CATSPERE: variants seen among roughly 807,000 people sequenced by gnomAD.
The protein encoded by CATSPERE is cation channel sperm-associated auxiliary subunit epsilon.
Under a neutral mutation model 114.1 loss-of-function variants are expected in CATSPERE, and 93 were observed. The observed-to-expected ratio is 0.81, with a 90% CI of 0.69 to 0.97. The LOEUF (loss-of-function observed/expected upper bound fraction) is 0.97, where lower values mean the gene tolerates loss of function less well. CATSPERE is among the 50% of genes least tolerant of loss of function. The pLI, the probability that CATSPERE is intolerant of heterozygous loss-of-function variation, is 0.00. For synonymous variants in CATSPERE, 341 were observed against 384.1 expected, an observed-to-expected ratio of 0.89 and a Z score of 1.31; for missense variants, 1,058 against 1,131.6, an observed-to-expected ratio of 0.93 and a Z score of 0.93.
chr1:244,604,098 G>C (rs565758247), intron 17 of CATSPERE, among the ~76,000 whole-genome samples: 28 of 152,360 alleles, frequency 1.8e-4, no homozygotes, highest in Non-Finnish European at 3.4e-4. Context: ...GCTAAAGCCT[G>C]ACCCAAATCT....
chr1:244,505,669 G>T (rs1252406792), intron 7 of CATSPERE, among the ~76,000 whole-genome samples: 1 of 152,082 alleles, frequency 6.6e-6, no homozygotes, highest in Non-Finnish European at 1.5e-5. Context: ...TTATTAGTCA[G>T]CTCAGGTGAT....
intron 8 of CATSPERE, among the ~76,000 whole-genome samples, chr1:244,526,774 A>G (rs1001052510): frequency 4.0e-5 from 6 of 151,756 alleles, no homozygotes; most frequent in African/African-American, 7.3e-5. Flanking sequence ...CGCTAGTCAC[A>G]TAGGTTCTTT....
Position 244,475,694 on chromosome 1 carries a change from G to A in CATSPERE, c.115-1847G>A, listed in dbSNP as rs534950541. On this transcript the variant is annotated intron_variant, in intron 2 of 21. Coordinates refer to ENST00000366534, the MANE Select transcript of CATSPERE (RefSeq NM_001130957.2). The stretch of plus-strand genomic sequence containing the variant: ...TGGGATTACAGGTGCGCACCACCAC[G>A]CCTAGCTTATTTTTGTATTTTTAGT... Among the ~76,000 whole-genome samples the A allele has an allele frequency of 1.3e-4, 19 of 151,598 alleles. No individual in the cohort carries two copies. In the East Asian group the frequency reaches 2.7e-3, roughly 22 times the overall value.
chr1:244,498,096 A>G (rs1055286630), intron 6 of CATSPERE, among the ~76,000 whole-genome samples: 1 of 152,234 alleles, frequency 6.6e-6, no homozygotes, highest in African/African-American at 2.4e-5. Flanking sequence ...TTGACTGATT[A>G]TAATGGCAAG....
chr1:244,489,481 T>TTG (rs1671610796), intron 5 of CATSPERE, among the ~76,000 whole-genome samples: 2 of 99,262 alleles, frequency 2.0e-5, no homozygotes, highest in African/African-American at 7.9e-5. Flanking sequence ...TTTTTTTTTT[T>TTG]GGTGGAAAGA....
At position 244,552,563 on chromosome 1, in the gene CATSPERE, T is replaced by C; in HGVS notation, c.778T>C (p.Phe260Leu). 1 of 1,614,194 alleles carries C rather than the reference T, an allele frequency of 6.2e-7. No homozygotes were observed. Among genetic ancestry groups the C allele is most frequent in the Non-Finnish European group, 8.5e-7 (1 of 1,180,032 alleles). The change falls in exon 9 of 22, where the codon TTT becomes CTT. Residue 260 changes from phenylalanine (F) to leucine (L), a missense_variant. By Grantham distance (22) the Phe-to-Leu change is conservative. Transcript: ENST00000366534. Reference sequence around the variant, plus strand: ...TGTTTTGGTGACAGATATGGAGACCTTTCACACAACTGATTCATTCAAATC... The same window carrying C: ...TGTTTTGGTGACAGATATGGAGACCCTTCACACAACTGATTCATTCAAATC... ...SAVLVTDMET[F>L]HTTDSFKSWT...
At chr1:244,517,059 T>C (rs1489972461) in intron 7 of CATSPERE, among the ~76,000 whole-genome samples, 1 of 152,102 alleles carries the variant, frequency 6.6e-6, no homozygotes, top group Non-Finnish European at 1.5e-5. Context: ...ATGATGTTTA[T>C]AGACTGAACA....
At chr1:244,631,821 T>C (rs2653150) in intron 20 of CATSPERE, among the ~76,000 whole-genome samples, 134,724 of 152,278 alleles carry the variant, frequency 0.88, 59,691 homozygotes, top group East Asian at 0.92. Context: ...GGATATGGAA[T>C]ATCAGGAACT....
chr1:244,477,662 C>T, intron 3 of CATSPERE, 48 bp downstream of exon 3: 1 of 1,211,980 alleles, frequency 8.3e-7, no homozygotes. Flanking sequence ...TTTTTTAATT[C>T]ATTCATATAA....
At chr1:244,485,692 T>TG (rs1389020016) in intron 5 of CATSPERE, among the ~76,000 whole-genome samples, 25 of 145,964 alleles carry the variant, frequency 1.7e-4, no homozygotes, top group Non-Finnish European at 2.8e-4. Flanking sequence ...GTCTAAATTT[T>TG]GTTTTTTTTG....
Position 244,461,483 on chromosome 1 carries a change from C to A in CATSPERE, c.54C>A (p.Ser18=), listed in dbSNP as rs1666763271. 7.5e-7 allele frequency: 1 copy of A among 1,329,828 alleles called. No homozygotes were observed. The highest frequency in any genetic ancestry group is 9.7e-7 in the Non-Finnish European group (1 of 1,032,462). The allele number at this position is 1,329,828 out of a possible 1,614,324, so 82.4% of individuals were successfully genotyped here. A position where few individuals can be genotyped will look rare whatever the true frequency, so the allele number is the denominator to read the frequency against. The change falls in exon 1 of 22, where the codon TCC becomes TCA. Residue 18 remains serine, a synonymous_variant. Transcript: ENST00000366534. ...VLLLWLSCYG[S]ALWRYSTNSP... ...TGCTGTGGCTGAGCTGCTATGGCTC[C>A]GCCCTTTGGAGGTAGAGAGACGCCA...
At chr1:244,598,066 G>A (rs966614932) in intron 17 of CATSPERE, among the ~76,000 whole-genome samples, 1 of 152,068 alleles carries the variant, frequency 6.6e-6, no homozygotes, top group Non-Finnish European at 1.5e-5. Flanking sequence ...AATTTTTCCA[G>A]TATTAAAATA....
intron 12 of CATSPERE, among the ~76,000 whole-genome samples, chr1:244,582,337 G>C (rs1666305171): frequency 6.6e-6 from 1 of 152,036 alleles, no homozygotes; most frequent in African/African-American, 2.4e-5. Flanking sequence ...TATCATTACA[G>C]CCTGGAAGTA....
At chr1:244,536,856 A>C (rs906056208) in intron 8 of CATSPERE, among the ~76,000 whole-genome samples, 1 of 152,162 alleles carries the variant, frequency 6.6e-6, no homozygotes, top group African/African-American at 2.4e-5. Flanking sequence ...TCCATCCTCA[A>C]ACTAGTTTTT....
intron 19 of CATSPERE, 55 bp from the exon 20 acceptor site, chr1:244,617,474 T>G (rs981566377): frequency 7.7e-7 from 1 of 1,306,998 alleles, no homozygotes; most frequent in Non-Finnish European, 1.0e-6. Context: ...ACTATAATTT[T>G]GCGTATCAAA....
At chr1:244,629,237 TCAGATCTCAGCCCCGTTTGCATCA>T (rs1277959085) in intron 20 of CATSPERE, among the ~76,000 whole-genome samples, 7 of 152,082 alleles carry the variant, frequency 4.6e-5, no homozygotes, top group Non-Finnish European at 1.0e-4. Flanking sequence ...GTCATAAGAG[TCAGATCTCAGCCCCGTTTGCATCA>T]CCTGGACCAT....
chr1:244,583,436 T>A (rs1447471734), intron 12 of CATSPERE, among the ~76,000 whole-genome samples: 2 of 152,168 alleles, frequency 1.3e-5, no homozygotes, highest in Non-Finnish European at 2.9e-5. Context: ...CACTCTTTAT[T>A]GTCCAAAGGT....
chr1:244,525,548 A>G (rs1238176751), intron 8 of CATSPERE, among the ~76,000 whole-genome samples: 2 of 152,138 alleles, frequency 1.3e-5, no homozygotes, highest in South Asian at 2.1e-4. Context: ...ATACGCAACA[A>G]TGAAACACTA....
chr1:244,458,932 C>T (rs761978029), upstream of CATSPERE, among the ~76,000 whole-genome samples: 5 of 152,140 alleles, frequency 3.3e-5, no homozygotes, highest in Non-Finnish European at 5.9e-5. Flanking sequence ...ATACCTTGTC[C>T]ACACAGAGTG....
Sources: gnomAD v4.1 joint callset for allele counts (sites outside exome capture counted in the v4.1 genomes callset) on GRCh38, gnomAD v4.1.1 for gene constraint, MANE v1.5 for transcripts, NCBI Gene and HGNC (gene_info 2026-07-23, HGNC 2026-07-21) for gene names.